FRMD6: variants seen among roughly 807,000 people sequenced by gnomAD.
FRMD6 encodes FERM domain containing 6, also known as FERM domain-containing protein 6.
Under a neutral mutation model 73.2 loss-of-function variants are expected in FRMD6, and 37 were observed. The ratio of observed to expected loss-of-function variants is 0.51; its 90% CI spans 0.39 to 0.66. FRMD6 has a LOEUF of 0.66. Among genes scored for constraint, FRMD6 ranks in the 30% least tolerant of loss-of-function variants. FRMD6 has a pLI of 0.00. For synonymous variants in FRMD6, 273 were observed against 282.2 expected, an observed-to-expected ratio of 0.97 and a Z score of 0.33; for missense variants, 714 against 780.5, an observed-to-expected ratio of 0.91 and a Z score of 1.02.
chr14:51,646,899 C>CG (rs1286070680), intron 2 of FRMD6, among the ~76,000 whole-genome samples: 1 of 151,996 alleles, frequency 6.6e-6, no homozygotes, highest in African/African-American at 2.4e-5. Context: ...TAATTCTCTA[C>CG]GATGGGCCCT....
the FRMD6 span, among the ~76,000 whole-genome samples, chr14:51,428,280 C>T: frequency 1.3e-5 from 2 of 152,112 alleles, no homozygotes; most frequent in Admixed American, 1.3e-4. Context: ...GCCCCCCACC[C>T]GACCCAATTA....
chr14:51,525,174 GGATGGATGGA>G (rs1885179522), intron 1 of FRMD6, among the ~76,000 whole-genome samples: 1 of 151,462 alleles, frequency 6.6e-6, no homozygotes, highest in Non-Finnish European at 1.5e-5. Flanking sequence ...ATGGATGGAT[GGATGGATGGA>G]TGGATAAAGG....
At chr14:51,501,311 T>C (rs1452543815) in intron 1 of FRMD6, among the ~76,000 whole-genome samples, 1 of 152,180 alleles carries the variant, frequency 6.6e-6, no homozygotes, top group Non-Finnish European at 1.5e-5. Flanking sequence ...GATCATCCCG[T>C]CACCTAGGTA....
intron 2 of FRMD6, among the ~76,000 whole-genome samples, chr14:51,638,424 G>A (rs2140015652): frequency 1.3e-5 from 2 of 152,252 alleles, no homozygotes; most frequent in South Asian, 4.1e-4. Flanking sequence ...GATGTGGGTG[G>A]TTCCGCATTG....
the FRMD6 span, among the ~76,000 whole-genome samples, chr14:51,398,962 C>G: frequency 1.3e-5 from 2 of 152,162 alleles, no homozygotes; most frequent in African/African-American, 4.8e-5. Flanking sequence ...CTAAGTCTCT[C>G]CAGGATCGGG....
intron 4 of FRMD6, 137 bp downstream of exon 4, chr14:51,701,296 A>G (rs1896293308): frequency 7.9e-6 from 3 of 379,250 alleles, no homozygotes. Context: ...ACTAAGTTAT[A>G]TATAGTATAT....
At chr14:51,577,944 CAG>C (rs1194025907) in intron 2 of FRMD6, among the ~76,000 whole-genome samples, 1 of 152,178 alleles carries the variant, frequency 6.6e-6, no homozygotes, top group Non-Finnish European at 1.5e-5. Context: ...ATCTCTACAA[CAG>C]GCATTATACC....
At chr14:51,459,776 A>C in the FRMD6 span, among the ~76,000 whole-genome samples, 10 of 149,108 alleles carry the variant, frequency 6.7e-5, no homozygotes, top group East Asian at 3.9e-4. Context: ...GCAGTGAGCC[A>C]AGATCATGCC....
At chr14:51,700,586 C>G (rs1166228201) in intron 3 of FRMD6, among the ~76,000 whole-genome samples, 1 of 152,026 alleles carries the variant, frequency 6.6e-6, no homozygotes, top group Non-Finnish European at 1.5e-5. Flanking sequence ...GGTCAGACTT[C>G]TCACTTGGAA....
chr14:51,708,313 T>C, intron 7 of FRMD6, 80 bp downstream of exon 7: 1 of 1,309,494 alleles, frequency 7.6e-7, no homozygotes, highest in Non-Finnish European at 1.1e-6. Flanking sequence ...ACCGAAGGAT[T>C]TCATTTCCAT....
At chr14:51,520,874 C>T (rs1249900695) in intron 1 of FRMD6, among the ~76,000 whole-genome samples, 1 of 152,006 alleles carries the variant, frequency 6.6e-6, no homozygotes. Context: ...CATGCCACTG[C>T]CCTCCAGCCT....
intron 10 of FRMD6, among the ~76,000 whole-genome samples, chr14:51,717,659 A>G (rs1439417493): frequency 6.6e-6 from 1 of 152,180 alleles, no homozygotes; most frequent in African/African-American, 2.4e-5. Flanking sequence ...CTCTGGGTCA[A>G]CTTTGGCCTG....
intron 2 of FRMD6, among the ~76,000 whole-genome samples, chr14:51,618,552 G>A (rs1890799667): frequency 6.6e-6 from 1 of 152,188 alleles, no homozygotes; most frequent in African/African-American, 2.4e-5. Context: ...AGTAAATGGA[G>A]TTAGGAGGGA....
chr14:51,463,807 T>A, the FRMD6 span, among the ~76,000 whole-genome samples: 1 of 152,180 alleles, frequency 6.6e-6, no homozygotes, highest in African/African-American at 2.4e-5. Flanking sequence ...TTCCTGAGTT[T>A]TTCTTTTCTG....
In FRMD6 at chr14:51,730,660, G is replaced by C. The variant is rs1244499988; in HGVS notation, c.*2631G>C. On this transcript the variant is annotated 3_prime_UTR_variant, in exon 14 of 14. Transcript: ENST00000344768. ...TGTAAAAAGAAACCTGCATTATTTT[G>C]TAATTATTTCTTATAGATATTTCAT... is the stretch of plus-strand genomic sequence containing the variant. 2.0e-5 allele frequency: 3 copies of C among 152,264 alleles called. No homozygotes were observed. Among genetic ancestry groups the C allele is most frequent in the Non-Finnish European group, 4.4e-5 (3 of 68,008 alleles). 9.4% of individuals were successfully genotyped at this position (152,264 alleles called of 1,614,324 possible).
intron 7 of FRMD6, among the ~76,000 whole-genome samples, 184 bp from the exon 8 acceptor site, chr14:51,711,347 G>T (rs985447387): frequency 3.9e-5 from 6 of 152,150 alleles, no homozygotes; most frequent in Non-Finnish European, 7.3e-5. Context: ...TTTAATATGT[G>T]CCCATGGTTT....
At chr14:51,625,930 G>A (rs1270803339) in intron 2 of FRMD6, among the ~76,000 whole-genome samples, 3 of 152,140 alleles carry the variant, frequency 2.0e-5, no homozygotes, top group East Asian at 1.9e-4. Context: ...TGTCTCCCCC[G>A]ACCAGACTAT....
the FRMD6 span, among the ~76,000 whole-genome samples, chr14:51,476,240 G>A: frequency 6.6e-6 from 1 of 152,182 alleles, no homozygotes; most frequent in East Asian, 1.9e-4. Context: ...TAATAAAAAG[G>A]ACCGTAACAG....
chr14:51,692,705 A>G (rs1267779653), intron 2 of FRMD6: 4 of 152,196 alleles, frequency 2.6e-5, no homozygotes, highest in Non-Finnish European at 4.4e-5. Context: ...AAACTTGAAT[A>G]TATATCAGAA....
Sources: gnomAD v4.1 joint callset for allele counts (sites outside exome capture counted in the v4.1 genomes callset) on GRCh38, gnomAD v4.1.1 for gene constraint, MANE v1.5 for transcripts, NCBI Gene and HGNC (gene_info 2026-07-23, HGNC 2026-07-21) for gene names.